Variants in CAV1 observed in about 807,000 individuals in gnomAD.
CAV1 encodes the protein caveolin-1.
Under a neutral mutation model 16.5 loss-of-function variants are expected in CAV1, and 10 were observed. The observed-to-expected ratio is 0.61, with a 90% confidence interval of 0.37 to 1.03. The LOEUF is 1.03. Ranked by LOEUF, CAV1 falls within the 50% of genes least tolerant of loss-of-function variation. The pLI, the probability that CAV1 is intolerant of heterozygous loss-of-function variation, is 0.01. For missense variants in CAV1, 212 were observed against 232.8 expected, an observed-to-expected ratio of 0.91 and a Z score of 0.58; for synonymous variants, 76 against 85.1, an observed-to-expected ratio of 0.89 and a Z score of 0.59.
intron 2 of CAV1, among the ~76,000 whole-genome samples, chr7:116,546,501 C>T (rs1794048977): frequency 6.6e-6 from 1 of 150,926 alleles, no homozygotes; most frequent in African/African-American, 2.4e-5. Flanking sequence ...ACCAGCCTCG[C>T]CAACATGGTG....
In CAV1 at chr7:116,533,040, G is replaced by T. The variant is rs543648600; in HGVS notation, c.195+6351G>T. Among the ~76,000 whole-genome samples the T allele has an allele frequency of 2.6e-5, 4 of 152,230 alleles. No homozygotes were observed. The East Asian group carries it at 7.7e-4, about 29-fold the overall frequency. On this transcript the variant is annotated intron_variant, in intron 2 of 2. Coordinates refer to ENST00000341049, the MANE Select transcript of CAV1 (RefSeq NM_001753.5). ...GAGCAAAATTGTTTGTCTAAAAGCA[G>T]TTAATAAATGCCCCAAAAAGGCTGG...
Position 116,559,060 on chromosome 7 carries a change from T to A in CAV1, c.310T>A (p.Ser104Thr), listed in dbSNP as rs973513439. The change falls in exon 3 of 3, where the codon TCT (serine) becomes ACT (threonine). Residue 104 changes from serine (S) to threonine (T), a missense_variant. By Grantham distance (58) the Ser-to-Thr change is moderately conservative (BLOSUM62 1). Transcript: ENST00000341049. Reference protein sequence around the residue: ...VTKYWFYRLLSALFGIPMALI... With the variant: ...VTKYWFYRLLTALFGIPMALI... ...GAAATACTGGTTTTACCGCTTGCTG[T>A]CTGCCCTCTTTGGCATCCCGATGGC... 1 of 1,613,924 alleles carries A rather than the reference T, an allele frequency of 6.2e-7. No individual in the cohort carries two copies. The highest frequency in any genetic ancestry group is 8.5e-7 in the Non-Finnish European group (1 of 1,179,902).
At chr7:116,547,471 T>C (rs1316295068) in intron 2 of CAV1, among the ~76,000 whole-genome samples, 1 of 152,220 alleles carries the variant, frequency 6.6e-6, no homozygotes, top group African/African-American at 2.4e-5. Flanking sequence ...TATGGAATGT[T>C]GGTGCAACTT....
intron 2 of CAV1, among the ~76,000 whole-genome samples, chr7:116,552,788 A>G (rs959967370): frequency 1.2e-4 from 19 of 152,240 alleles, no homozygotes; most frequent in African/African-American, 3.9e-4. Flanking sequence ...ATTGGCCAGA[A>G]CTGAGTCACA....
At chr7:116,557,212 T>A (rs951555397) in intron 2 of CAV1, among the ~76,000 whole-genome samples, 6 of 152,230 alleles carry the variant, frequency 3.9e-5, no homozygotes, top group African/African-American at 1.4e-4. Context: ...CACATTACAT[T>A]ATTAGAACAT....
chr7:116,526,777 G>T (rs558299307), intron 2 of CAV1, 88 bp downstream of exon 2: 8 of 1,449,550 alleles, frequency 5.5e-6, no homozygotes, highest in Non-Finnish European at 7.6e-6. Flanking sequence ...TGCCGTGTAC[G>T]CACACCCCAC....
chr7:116,534,169 G>T (rs1793743624), intron 2 of CAV1, among the ~76,000 whole-genome samples: 1 of 151,538 alleles, frequency 6.6e-6, no homozygotes, highest in Admixed American at 6.6e-5. Context: ...AGTGTGCCAA[G>T]ATCAAGCCAC....
chr7:116,547,385 C>A (rs1584780200), intron 2 of CAV1, among the ~76,000 whole-genome samples: 1 of 152,030 alleles, frequency 6.6e-6, no homozygotes, highest in East Asian at 1.9e-4. Context: ...TGGAGAAACC[C>A]GATGGTTACC....
chr7:116,554,851 G>A (rs729949), intron 2 of CAV1, among the ~76,000 whole-genome samples: 40,210 of 151,972 alleles, frequency 0.26, 5,447 homozygotes, highest in African/African-American at 0.32. Flanking sequence ...TGAAAACTAA[G>A]CAAATAAGAC....
chr7:116,534,845 T>A (rs1334474225), intron 2 of CAV1, among the ~76,000 whole-genome samples: 1 of 152,192 alleles, frequency 6.6e-6, no homozygotes, highest in Non-Finnish European at 1.5e-5. Flanking sequence ...ATACACACCC[T>A]GGTTGATTCT....
At chr7:116,537,676 G>C (rs1793852479) in intron 2 of CAV1, among the ~76,000 whole-genome samples, 1 of 152,150 alleles carries the variant, frequency 6.6e-6, no homozygotes, top group Admixed American at 6.5e-5. Flanking sequence ...AGATGACAGT[G>C]TCCTCACACT....
At chr7:116,544,552 G>A (rs1313963631) in intron 2 of CAV1, among the ~76,000 whole-genome samples, 1 of 152,072 alleles carries the variant, frequency 6.6e-6, no homozygotes, top group African/African-American at 2.4e-5. Context: ...AGAAGGTGGG[G>A]GCTAGAAAGA....
chr7:116,535,763 A>G (rs1041717902), intron 2 of CAV1, among the ~76,000 whole-genome samples: 2 of 152,056 alleles, frequency 1.3e-5, no homozygotes, highest in Admixed American at 6.5e-5. Context: ...TCTTTATTGA[A>G]CCTCGAGAAG....
chr7:116,532,966 A>T (rs1171942546), intron 2 of CAV1, among the ~76,000 whole-genome samples: 1 of 152,198 alleles, frequency 6.6e-6, no homozygotes, highest in Non-Finnish European at 1.5e-5. Flanking sequence ...TATTAGGCCC[A>T]TAGGTTTATC....
intron 2 of CAV1, among the ~76,000 whole-genome samples, chr7:116,557,708 CTTCTT>C (rs548570223): frequency 6.6e-6 from 1 of 152,036 alleles, no homozygotes; most frequent in Admixed American, 6.6e-5. Flanking sequence ...TCTCTGGAAC[CTTCTT>C]TTCTTTTCTT....
chr7:116,555,518 A>AG (rs1794256195), intron 2 of CAV1, among the ~76,000 whole-genome samples: 3 of 14,036 alleles, frequency 2.1e-4, no homozygotes, highest in Non-Finnish European at 2.8e-4. Flanking sequence ...GAAAGAAAGA[A>AG]AGAGAGAGAG....
At chr7:116,555,472 G>A (rs1562837854) in intron 2 of CAV1, among the ~76,000 whole-genome samples, 9 of 38,104 alleles carry the variant, frequency 2.4e-4, no homozygotes, top group African/African-American at 7.5e-4. Flanking sequence ...AGGAAGGAAG[G>A]AAGGAGGAAA....
intron 2 of CAV1, among the ~76,000 whole-genome samples, chr7:116,553,546 A>C (rs1301298419): frequency 2.0e-5 from 3 of 152,118 alleles, no homozygotes; most frequent in Non-Finnish European, 4.4e-5. Flanking sequence ...CATAAATTAC[A>C]GAACAGAAAG....
intron 2 of CAV1, among the ~76,000 whole-genome samples, chr7:116,531,589 T>A (rs1002775694): frequency 1.3e-5 from 2 of 152,196 alleles, no homozygotes; most frequent in East Asian, 1.9e-4. Context: ...AAGATTTATT[T>A]TTATTATTAT....
Sources: gnomAD v4.1 joint callset for allele counts (sites outside exome capture counted in the v4.1 genomes callset) on GRCh38, gnomAD v4.1.1 for gene constraint, MANE v1.5 for transcripts, NCBI Gene and HGNC (gene_info 2026-07-23, HGNC 2026-07-21) for gene names.